FRMD4A: variants seen among roughly 807,000 people sequenced by gnomAD.
FRMD4A encodes the protein FERM domain containing 4A, also known as FERM domain-containing protein 4A.
A neutral mutation model predicts 129.1 loss-of-function variants in FRMD4A; 29 were observed. The observed-to-expected ratio is 0.22, with a 90% CI of 0.17 to 0.31. The LOEUF is 0.31. Among genes scored for constraint, FRMD4A ranks in the 10% least tolerant of loss-of-function variants. The pLI, the probability that FRMD4A is intolerant of heterozygous loss-of-function variation, is 1.00. For synonymous variants in FRMD4A, 634 were observed against 571.6 expected, an observed-to-expected ratio of 1.11 and a Z score of -1.56; for missense variants, 1,272 against 1,375.8, an observed-to-expected ratio of 0.92 and a Z score of 1.19.
chr10:14,006,748 C>T (rs968544919), intron 2 of FRMD4A, among the ~76,000 whole-genome samples: 2 of 152,310 alleles, frequency 1.3e-5, no homozygotes, highest in South Asian at 2.1e-4. Context: ...TAACACCTAA[C>T]ATCACACTCA....
chr10:13,676,254 CTT>C (rs945033488), intron 15 of FRMD4A, among the ~76,000 whole-genome samples: 2 of 151,694 alleles, frequency 1.3e-5, no homozygotes, highest in African/African-American at 4.9e-5. Context: ...CTGATTATAA[CTT>C]TTCTTTTCTT....
intron 2 of FRMD4A, among the ~76,000 whole-genome samples, chr10:14,128,002 T>TTC (rs1491424523): frequency 4.3e-5 from 3 of 69,528 alleles, no homozygotes; most frequent in Admixed American, 1.6e-4. Context: ...CTCTCTCTCT[T>TTC]TCTTTCTTTC....
chr10:14,254,256 A>C (rs1178293374), intron 2 of FRMD4A, among the ~76,000 whole-genome samples: 2 of 152,162 alleles, frequency 1.3e-5, no homozygotes, highest in African/African-American at 2.4e-5. Context: ...ACTCATCACT[A>C]TACACCCTTA....
At chr10:14,187,479 C>G (rs1474526448) in intron 2 of FRMD4A, among the ~76,000 whole-genome samples, 1 of 152,206 alleles carries the variant, frequency 6.6e-6, no homozygotes, top group Non-Finnish European at 1.5e-5. Context: ...CGTGGAATGA[C>G]TGACTTAGAG....
intron 2 of FRMD4A, among the ~76,000 whole-genome samples, chr10:14,316,931 A>G (rs1315465038): frequency 6.6e-6 from 1 of 152,134 alleles, no homozygotes; most frequent in East Asian, 1.9e-4. Context: ...GTCAATATGC[A>G]CCATCCACTG....
At chr10:13,933,566 T>C (rs2095221622) in intron 2 of FRMD4A, among the ~76,000 whole-genome samples, 1 of 152,176 alleles carries the variant, frequency 6.6e-6, no homozygotes, top group Non-Finnish European at 1.5e-5. Flanking sequence ...GGTTTCAAAA[T>C]TTTGTCCGTG....
intron 2 of FRMD4A, among the ~76,000 whole-genome samples, chr10:13,971,418 C>T (rs970886019): frequency 2.6e-5 from 4 of 152,188 alleles, no homozygotes; most frequent in Non-Finnish European, 4.4e-5. Flanking sequence ...GGCACTTCCT[C>T]GATCCGGTGG....
intron 12 of FRMD4A, among the ~76,000 whole-genome samples, chr10:13,724,379 C>G (rs1343773080): frequency 6.9e-6 from 1 of 144,348 alleles, no homozygotes; most frequent in East Asian, 2.2e-4. Flanking sequence ...AAGAGCAAGA[C>G]TCTGTCTCAA....
chr10:14,260,313 A>G (rs571001156), intron 2 of FRMD4A, among the ~76,000 whole-genome samples: 1 of 152,312 alleles, frequency 6.6e-6, no homozygotes, highest in East Asian at 1.9e-4. Flanking sequence ...GTAAACTAGC[A>G]GAGTTTTAGT....
intron 2 of FRMD4A, among the ~76,000 whole-genome samples, chr10:14,312,366 C>T (rs1846579013): frequency 6.6e-6 from 1 of 152,170 alleles, no homozygotes; most frequent in Non-Finnish European, 1.5e-5. Context: ...AGAATCAGTT[C>T]TCATTTTCCT....
At chr10:13,707,011 G>C (rs570392700) in intron 13 of FRMD4A, 26 bp downstream of exon 13, 12 of 1,269,472 alleles carry the variant, frequency 9.5e-6, no homozygotes, top group Non-Finnish European at 1.4e-5. Context: ...ACGCCATCCC[G>C]CAAGAAAAGG....
chr10:13,799,038 G>A (rs1192270428), intron 4 of FRMD4A, among the ~76,000 whole-genome samples: 1 of 152,196 alleles, frequency 6.6e-6, no homozygotes, highest in Non-Finnish European at 1.5e-5. Flanking sequence ...CACACCGGGT[G>A]GGATGGGGGG....
chr10:13,796,642 T>C (rs537431409), intron 4 of FRMD4A, 54 bp from the exon 5 acceptor site: 15 of 932,770 alleles, frequency 1.6e-5, no homozygotes, highest in East Asian at 1.2e-4. Context: ...AGAAGTTTTT[T>C]TGGGGTTGAA....
chr10:14,123,304 A>G (rs568813827), intron 2 of FRMD4A, among the ~76,000 whole-genome samples: 5 of 152,304 alleles, frequency 3.3e-5, no homozygotes, highest in Non-Finnish European at 7.4e-5. Flanking sequence ...CCCTGCAGGC[A>G]CAGGCTTGGC....
intron 2 of FRMD4A, among the ~76,000 whole-genome samples, chr10:13,978,153 C>G (rs1473283245): frequency 6.6e-6 from 1 of 152,172 alleles, no homozygotes; most frequent in African/African-American, 2.4e-5. Flanking sequence ...CCTTGCCAAT[C>G]TTGTTTCTGA....
In FRMD4A at chr10:13,659,379, G is replaced by T; in HGVS notation, c.2010C>A (p.Ser670Arg). The change falls in exon 21 of 25, where the codon AGC becomes AGA. Residue 670 changes from serine to arginine, a missense_variant. Physicochemically the swap from Ser to Arg is moderately radical, Grantham distance 110. Coordinates refer to ENST00000357447, the MANE Select transcript of FRMD4A (RefSeq NM_018027.5). ...RGLPHWNSQSSMPSTPDLRVR... is the reference protein window; with the variant it reads ...RGLPHWNSQSRMPSTPDLRVR... ...CCCGCAGGTCTGGCGTGGACGGCATGCTGGACTGGGAGTTCCAGTGCGGGA... is the reference window on the plus strand; with the variant it reads ...CCCGCAGGTCTGGCGTGGACGGCATTCTGGACTGGGAGTTCCAGTGCGGGA... 1 of 1,614,080 alleles carries T rather than the reference G, an allele frequency of 6.2e-7. No homozygotes were observed. Among genetic ancestry groups the T allele is most frequent in the African/African-American group, 1.3e-5 (1 of 75,066 alleles).
chr10:13,867,301 C>T (rs984699780), intron 2 of FRMD4A, among the ~76,000 whole-genome samples: 29 of 151,798 alleles, frequency 1.9e-4, no homozygotes, highest in African/African-American at 5.8e-4. Flanking sequence ...CTCCGTGGTC[C>T]CAGCTGGAGT....
chr10:13,695,781 C>T (rs1284614202), intron 14 of FRMD4A, among the ~76,000 whole-genome samples: 2 of 152,188 alleles, frequency 1.3e-5, no homozygotes, highest in Non-Finnish European at 2.9e-5. Flanking sequence ...TGGTGAAGGC[C>T]ATGGAGGGGT....
intron 2 of FRMD4A, among the ~76,000 whole-genome samples, chr10:14,302,959 G>T (rs986690449): frequency 6.6e-6 from 1 of 152,146 alleles, no homozygotes; most frequent in African/African-American, 2.4e-5. Flanking sequence ...GATCTTGGAG[G>T]AGCAGTGGGT....
Sources: gnomAD v4.1 joint callset for allele counts (sites outside exome capture counted in the v4.1 genomes callset) on GRCh38, gnomAD v4.1.1 for gene constraint, MANE v1.5 for transcripts, NCBI Gene and HGNC (gene_info 2026-07-23, HGNC 2026-07-21) for gene names.